The following KCTD16 variants were observed in gnomAD, a reference collection of about 807,000 sequenced individuals.
The protein encoded by KCTD16 is BTB/POZ domain-containing protein KCTD16.
In KCTD16, 13 loss-of-function variants were observed where a neutral mutation model predicts 33.2. That is an observed-to-expected ratio of 0.39 (90% CI 0.25 to 0.62). The LOEUF (loss-of-function observed/expected upper bound fraction) is 0.62. KCTD16 is among the 20% of genes least tolerant of loss of function. KCTD16 has a pLI of 0.50. For missense variants in KCTD16, 441 were observed against 525.1 expected (o/e 0.84, Z 1.57); for synonymous variants, 197 against 195.3 (o/e 1.01, Z -0.07).
chr5:144,193,439 T>A (rs560452562), intron 2 of KCTD16, among the ~76,000 whole-genome samples: 1 of 152,094 alleles, frequency 6.6e-6, no homozygotes, highest in Non-Finnish European at 1.5e-5. Context: ...TAGAGCACAC[T>A]GTTCCCAGCA....
chr5:144,201,235 C>G (rs535444043), intron 2 of KCTD16, among the ~76,000 whole-genome samples: 29 of 152,306 alleles, frequency 1.9e-4, no homozygotes, highest in Middle Eastern at 3.4e-3. Flanking sequence ...GGGAAATAAT[C>G]TTGTCTGGCA....
At chr5:144,462,558 T>G (rs1754222622) in intron 3 of KCTD16, among the ~76,000 whole-genome samples, 1 of 134,172 alleles carries the variant, frequency 7.5e-6, no homozygotes, top group African/African-American at 2.7e-5. Flanking sequence ...ATAATTCTCT[T>G]TTGGTTTCTT....
At chr5:144,352,345 G>T (rs142953381) in intron 3 of KCTD16, among the ~76,000 whole-genome samples, 1 of 152,116 alleles carries the variant, frequency 6.6e-6, no homozygotes, top group Non-Finnish European at 1.5e-5. Flanking sequence ...ACATTGTGAG[G>T]TTCATTCATA....
intron 3 of KCTD16, among the ~76,000 whole-genome samples, chr5:144,462,577 A>C (rs921209961): frequency 1.3e-5 from 2 of 151,754 alleles, no homozygotes; most frequent in African/African-American, 4.8e-5. Context: ...TTAAAAAAAA[A>C]AAAAACAAAA....
chr5:144,300,114 A>G (rs1345528825), intron 3 of KCTD16, among the ~76,000 whole-genome samples: 3 of 152,124 alleles, frequency 2.0e-5, no homozygotes, highest in Admixed American at 2.0e-4. Context: ...TCATTCAGAT[A>G]TGATCTTAGC....
intron 3 of KCTD16, among the ~76,000 whole-genome samples, chr5:144,273,282 C>CA (rs1248730461): frequency 2.0e-5 from 3 of 152,006 alleles, no homozygotes; most frequent in African/African-American, 7.2e-5. Context: ...ATATAATCCC[C>CA]AACACAATGG....
chr5:144,173,295 A>G (rs1561518195), intron 1 of KCTD16, among the ~76,000 whole-genome samples: 3 of 152,266 alleles, frequency 2.0e-5, no homozygotes, highest in Non-Finnish European at 4.4e-5. Flanking sequence ...AATATTATAC[A>G]GCCATAAAAA....
At chr5:144,456,223 A>C (rs1754058805) in intron 3 of KCTD16, among the ~76,000 whole-genome samples, 1 of 151,906 alleles carries the variant, frequency 6.6e-6, no homozygotes, top group African/African-American at 2.4e-5. Flanking sequence ...AACAAAATAT[A>C]ATTTTGCTGG....
intron 3 of KCTD16, among the ~76,000 whole-genome samples, chr5:144,237,535 G>GT (rs576736998): frequency 1.7e-3 from 261 of 152,008 alleles, no homozygotes; most frequent in Admixed American, 3.4e-3. Flanking sequence ...ATTTCTCATG[G>GT]TTTTTTGGAC....
At chr5:144,292,087 T>A (rs1755908983) in intron 3 of KCTD16, among the ~76,000 whole-genome samples, 1 of 152,226 alleles carries the variant, frequency 6.6e-6, no homozygotes, top group East Asian at 1.9e-4. Flanking sequence ...CATTTAAAAA[T>A]CTTATTATGA....
chr5:144,177,106 A>G (rs1752525826), intron 2 of KCTD16, among the ~76,000 whole-genome samples: 1 of 152,206 alleles, frequency 6.6e-6, no homozygotes, highest in South Asian at 2.1e-4. Flanking sequence ...ACTCTTTGCC[A>G]GGACCAGTGT....
intron 3 of KCTD16, among the ~76,000 whole-genome samples, chr5:144,417,306 C>G (rs1007289668): frequency 2.0e-5 from 3 of 151,928 alleles, no homozygotes; most frequent in African/African-American, 7.2e-5. Context: ...TATTATTATA[C>G]TTATATTAGT....
In KCTD16 at chr5:144,422,843, T is replaced by G. The variant is rs1048349792; in HGVS notation, c.833-50817T>G. On this transcript the variant is annotated intron_variant, in intron 3 of 3. Transcript: ENST00000512467. ...GAAAACAGTAGATCACAAAAATGAATATATACCCCATGTGGATGTTAGGAG... is the reference window on the plus strand; with the variant it reads ...GAAAACAGTAGATCACAAAAATGAAGATATACCCCATGTGGATGTTAGGAG... Among the ~76,000 whole-genome samples the G allele has an allele frequency of 2.0e-5, 3 of 152,226 alleles. No individual in the cohort carries two copies. The South Asian group carries it at 6.2e-4, about 32-fold the overall frequency.
At chr5:144,335,610 G>A (rs1365997797) in intron 3 of KCTD16, among the ~76,000 whole-genome samples, 1 of 152,176 alleles carries the variant, frequency 6.6e-6, no homozygotes, top group Non-Finnish European at 1.5e-5. Flanking sequence ...CTTTGGTTTG[G>A]GTGTGGGGTC....
rs183701738 is a variant in KCTD16, at chr5:144,358,787, C to T, written c.833-114873C>T. 1.4e-4 allele frequency among the ~76,000 whole-genome samples: 21 copies of T among 152,274 alleles called. No homozygotes were observed. In the East Asian group the frequency reaches 3.7e-3, roughly 27 times the overall value. ...TAGAAGGCTGTCTTCTCACTGCACC[C>T]TCAGATGGTAGAAGGAACTAATGAG... On this transcript the variant is annotated intron_variant, in intron 3 of 3. Coordinates refer to ENST00000512467, the MANE Select transcript of KCTD16 (RefSeq NM_020768.4).
At chr5:144,318,690 T>G (rs531359821) in intron 3 of KCTD16, among the ~76,000 whole-genome samples, 1 of 152,274 alleles carries the variant, frequency 6.6e-6, no homozygotes, top group African/African-American at 2.4e-5. Flanking sequence ...AAATGCCTCT[T>G]AGCAAGTGCC....
chr5:144,469,418 A>T (rs1333638329), intron 3 of KCTD16, among the ~76,000 whole-genome samples: 2 of 152,196 alleles, frequency 1.3e-5, no homozygotes, highest in African/African-American at 4.8e-5. Context: ...TTCCAGCTAG[A>T]TCTAAGTATT....
chr5:144,301,008 T>C (rs1002348140), intron 3 of KCTD16, among the ~76,000 whole-genome samples: 1 of 152,002 alleles, frequency 6.6e-6, no homozygotes, highest in South Asian at 2.1e-4. Flanking sequence ...TTTGGGAGCC[T>C]GAGACAGGAG....
intron 3 of KCTD16, among the ~76,000 whole-genome samples, chr5:144,348,871 T>C (rs1280015768): frequency 6.6e-6 from 1 of 152,158 alleles, no homozygotes; most frequent in Non-Finnish European, 1.5e-5. Context: ...TCTTGACTAA[T>C]ACCTACCAGC....
Sources: gnomAD v4.1 joint callset for allele counts (sites outside exome capture counted in the v4.1 genomes callset) on GRCh38, gnomAD v4.1.1 for gene constraint, MANE v1.5 for transcripts, NCBI Gene and HGNC (gene_info 2026-07-23, HGNC 2026-07-21) for gene names.